The following BASP1 variants were observed in gnomAD, a reference collection of about 807,000 sequenced individuals.
BASP1 encodes the protein brain acid soluble protein 1.
BASP1 carries 1 observed loss-of-function variant against 2.2 expected under a neutral mutation model. The ratio of observed to expected loss-of-function variants is 0.46; its 90% CI spans 0.16 to 2.17. The LOEUF is 2.17. Ranked by LOEUF, BASP1 falls within the 30% of genes most tolerant of loss-of-function variation. The pLI is 0.27. For missense variants in BASP1, 352 were observed against 327.2 expected (o/e 1.08, Z -0.58); for synonymous variants, 187 against 154.2 (o/e 1.21, Z -1.58).
chr5:17,225,207 C>G (rs1175502157), intron 1 of BASP1, among the ~76,000 whole-genome samples: 2 of 152,004 alleles, frequency 1.3e-5, no homozygotes, highest in African/African-American at 4.8e-5. Flanking sequence ...TTGAGTCACT[C>G]TTACTCACTG....
At chr5:17,239,093 T>G (rs1411631743) in intron 1 of BASP1, among the ~76,000 whole-genome samples, 1 of 151,980 alleles carries the variant, frequency 6.6e-6, no homozygotes, top group East Asian at 1.9e-4. Context: ...TGTCTTCAGC[T>G]GTTTTTTTTT....
At chr5:17,273,778 CTCTT>C (rs758664979) in intron 1 of BASP1, among the ~76,000 whole-genome samples, 3 of 152,202 alleles carry the variant, frequency 2.0e-5, no homozygotes, top group Admixed American at 6.5e-5. Flanking sequence ...TTCCCCCCTG[CTCTT>C]TCTAACCTCC....
intron 1 of BASP1, among the ~76,000 whole-genome samples, chr5:17,242,108 C>T (rs1270661737): frequency 2.0e-5 from 3 of 152,114 alleles, no homozygotes; most frequent in African/African-American, 7.2e-5. Context: ...TCCTTTCATT[C>T]CCCTCCTTCG....
intron 1 of BASP1, among the ~76,000 whole-genome samples, chr5:17,248,905 G>A (rs1740046050): frequency 6.6e-6 from 1 of 152,136 alleles, no homozygotes; most frequent in Admixed American, 6.5e-5. Context: ...TCCATGGGCT[G>A]TAGCATCCTT....
intron 1 of BASP1, among the ~76,000 whole-genome samples, chr5:17,248,787 A>T (rs184205063): frequency 1.8e-4 from 28 of 152,322 alleles, no homozygotes; most frequent in African/African-American, 6.5e-4. Flanking sequence ...CTCTTAAAAA[A>T]TATGTACCAC....
intron 1 of BASP1, among the ~76,000 whole-genome samples, chr5:17,226,224 A>G (rs1739501042): frequency 6.6e-6 from 1 of 152,268 alleles, no homozygotes; most frequent in Admixed American, 6.5e-5. Context: ...AACCAAAATT[A>G]AAACTTCTTT....
intron 1 of BASP1, among the ~76,000 whole-genome samples, chr5:17,223,558 C>G (rs948939418): frequency 1.8e-4 from 28 of 152,146 alleles, no homozygotes; most frequent in African/African-American, 6.3e-4. Flanking sequence ...ACGCTAAATA[C>G]GTCAGTAGTT....
chr5:17,245,202 T>C (rs562610379), intron 1 of BASP1, among the ~76,000 whole-genome samples: 1 of 150,714 alleles, frequency 6.6e-6, no homozygotes, highest in South Asian at 2.1e-4. Flanking sequence ...CTCAGGAGGC[T>C]GAGGCAGGAG....
intron 1 of BASP1, among the ~76,000 whole-genome samples, chr5:17,271,520 G>A (rs1740528305): frequency 6.6e-6 from 1 of 152,188 alleles, no homozygotes; most frequent in Non-Finnish European, 1.5e-5. Context: ...ACTGAGGTCA[G>A]TGCCTTCAGC....
chr5:17,257,480 T>C (rs144921376), intron 1 of BASP1, among the ~76,000 whole-genome samples: 2,852 of 152,300 alleles, frequency 0.019, 52 homozygotes, highest in Middle Eastern at 0.041. Flanking sequence ...TTTAGGTAAA[T>C]GAAGGTAAAA....
intron 1 of BASP1, among the ~76,000 whole-genome samples, chr5:17,268,514 T>G (rs529079095): frequency 3.9e-4 from 59 of 152,276 alleles, no homozygotes; most frequent in African/African-American, 1.4e-3. Flanking sequence ...GGGATCCTAT[T>G]ATAGTTTGTA....
At chr5:17,226,431 C>T (rs1222384279) in intron 1 of BASP1, among the ~76,000 whole-genome samples, 2 of 152,246 alleles carry the variant, frequency 1.3e-5, no homozygotes, top group African/African-American at 2.4e-5. Context: ...ACCATTACCA[C>T]GTAGACTAAT....
At chr5:17,229,738 A>G (rs185013589) in intron 1 of BASP1, among the ~76,000 whole-genome samples, 13 of 151,592 alleles carry the variant, frequency 8.6e-5, no homozygotes, top group Admixed American at 8.5e-4. Flanking sequence ...ATTTTTTCAT[A>G]GTTCTGCAGG....
intron 1 of BASP1, among the ~76,000 whole-genome samples, chr5:17,254,992 C>G (rs1383153116): frequency 6.6e-6 from 1 of 152,182 alleles, no homozygotes; most frequent in African/African-American, 2.4e-5. Context: ...TTTCAATTCA[C>G]CCTCTGCTTT....
chr5:17,263,459 T>C (rs925177918), intron 1 of BASP1, among the ~76,000 whole-genome samples: 27 of 152,252 alleles, frequency 1.8e-4, no homozygotes, highest in African/African-American at 6.0e-4. Context: ...TTGAATAAAA[T>C]GTGGTAAGAT....
intron 1 of BASP1, among the ~76,000 whole-genome samples, chr5:17,268,643 G>A (rs927027344): frequency 1.7e-4 from 26 of 152,156 alleles, no homozygotes; most frequent in African/African-American, 5.6e-4. Context: ...TGATCTGAAG[G>A]GATAAGGAAT....
At chr5:17,226,922 C>T (rs1157971824) in intron 1 of BASP1, among the ~76,000 whole-genome samples, 1 of 133,276 alleles carries the variant, frequency 7.5e-6, no homozygotes, top group African/African-American at 3.1e-5. Flanking sequence ...CTCTGAATAA[C>T]TCATTTTTCT....
At chr5:17,218,027 G>A (rs2126482500) in intron 1 of BASP1, among the ~76,000 whole-genome samples, 1 of 151,942 alleles carries the variant, frequency 6.6e-6, no homozygotes, top group South Asian at 2.1e-4. Flanking sequence ...GAAGTGGGAG[G>A]CTTCAGCCGC....
Position 17,244,622 on chromosome 5 carries a change from G to A in BASP1, c.-10+26812G>A, listed in dbSNP as rs77606357. On this transcript the variant is annotated intron_variant, in intron 1 of 1. Transcript: ENST00000322611. The stretch of plus-strand genomic sequence containing the variant: ...TTAAGAGTTCTGTTTTGGCCTTCGT[G>A]GGACTTGATAGGAGGGAAGGCATTG... Among the ~76,000 whole-genome samples, 1,144 of 152,044 alleles carry A rather than the reference G, an allele frequency of 7.5e-3. 12 individuals are homozygous for A. The highest frequency in any genetic ancestry group is 0.026 in the African/African-American group (1,073 of 41,454).
Sources: allele counts gnomAD v4.1 joint callset (sites outside exome capture counted in the v4.1 genomes callset), GRCh38; gene constraint gnomAD v4.1.1; transcripts MANE v1.5; gene names NCBI Gene and HGNC (gene_info 2026-07-23, HGNC 2026-07-21).